The following RALGPS1 variants were observed in gnomAD, a reference collection of about 807,000 sequenced individuals.
RALGPS1 encodes the protein ras-specific guanine nucleotide-releasing factor RalGPS1.
RALGPS1 carries 19 observed loss-of-function variants against 78.8 expected under a neutral mutation model. That is an observed-to-expected ratio of 0.24 (90% CI 0.17 to 0.35). The LOEUF is 0.35. RALGPS1 is among the 10% of genes least tolerant of loss of function. The probability of loss-of-function intolerance (pLI) is 1.00; values close to 1 mark genes in which losing one functional copy is unlikely to be tolerated. For synonymous variants in RALGPS1, 228 were observed against 256.3 expected (o/e 0.89, Z 1.06); for missense variants, 454 against 688.3 (o/e 0.66, Z 3.81).
intron 4 of RALGPS1, among the ~76,000 whole-genome samples, chr9:127,019,453 G>A (rs955189317): frequency 4.0e-5 from 6 of 151,714 alleles, no homozygotes; most frequent in South Asian, 2.1e-4. Flanking sequence ...TCAGCCTCCC[G>A]AGTAGCTGTG....
intron 1 of RALGPS1, among the ~76,000 whole-genome samples, chr9:126,941,227 G>T (rs2036760494): frequency 6.6e-6 from 1 of 151,626 alleles, no homozygotes; most frequent in African/African-American, 2.4e-5. Flanking sequence ...AAGAAGATTG[G>T]ATAAGATCTA....
chr9:126,915,707 C>T (rs944500827), intron 1 of RALGPS1, among the ~76,000 whole-genome samples: 18 of 148,728 alleles, frequency 1.2e-4, no homozygotes, highest in African/African-American at 4.5e-4. Flanking sequence ...ACGCCGCGCC[C>T]TAAGTGGGGC....
chr9:126,921,792 A>G (rs1233610342), intron 1 of RALGPS1, among the ~76,000 whole-genome samples: 1 of 152,172 alleles, frequency 6.6e-6, no homozygotes, highest in African/African-American at 2.4e-5. Context: ...TTTCAGGGAG[A>G]CGCTACAAAA....
In RALGPS1 at chr9:127,213,038, A is replaced by G. The variant is rs1234628902; in HGVS notation, c.1541A>G (p.Asn514Ser). The part of the protein sequence containing the change: ...PEHPDIFQLN[N>S]PDKGNVYKFQ... ...CACCCAGATATCTTCCAGCTGAACAACCCTGACAAAGGTAGGCAGCAGGCC... is the reference window on the plus strand; with the variant it reads ...CACCCAGATATCTTCCAGCTGAACAGCCCTGACAAAGGTAGGCAGCAGGCC... Residue 514 changes from asparagine to serine, a missense_variant, in exon 17 of 19, where the codon AAC (asparagine) becomes AGC (serine). Physicochemically the swap from Asn to Ser is conservative, Grantham distance 46. Transcript: ENST00000259351. The G allele has an allele frequency of 6.2e-7, 1 of 1,614,186 alleles. No homozygotes were observed. Among genetic ancestry groups the G allele is most frequent in the Admixed American group, 1.7e-5 (1 of 60,030 alleles).
At position 127,202,918 on chromosome 9, in the gene RALGPS1, G is replaced by T. The variant is rs368139357; in HGVS notation, c.1247+3852G>T. ...GGGAGGCGGCCGCAGGGCAGCGGCC[G>T]CAGGGCATTCAGTTACCTGGAGAGG... is the stretch of plus-strand genomic sequence containing the variant. On this transcript the variant is annotated intron_variant, in intron 14 of 18. Transcript: ENST00000259351. Among the ~76,000 whole-genome samples, 5 of 151,838 alleles carry T rather than the reference G, an allele frequency of 3.3e-5. No individual in the cohort carries two copies. In the East Asian group the frequency reaches 5.8e-4, roughly 18 times the overall value.
chr9:126,921,908 A>C (rs1390838727), intron 1 of RALGPS1, among the ~76,000 whole-genome samples: 1 of 152,214 alleles, frequency 6.6e-6, no homozygotes, highest in Non-Finnish European at 1.5e-5. Context: ...TGCTTTTCTC[A>C]GGGTATTAAT....
At chr9:127,200,182 G>A (rs555971478) in intron 14 of RALGPS1, among the ~76,000 whole-genome samples, 36 of 152,202 alleles carry the variant, frequency 2.4e-4, no homozygotes, top group Non-Finnish European at 3.8e-4. Context: ...CTCCTCTGGC[G>A]CTGAAGCTTC....
At chr9:127,009,827 T>C (rs1008243160) in intron 4 of RALGPS1, among the ~76,000 whole-genome samples, 1 of 152,182 alleles carries the variant, frequency 6.6e-6, no homozygotes, top group Admixed American at 6.5e-5. Flanking sequence ...TCCCACTTTC[T>C]TGAAGGTTTA....
At chr9:126,969,454 C>T (rs1015576032) in intron 3 of RALGPS1, among the ~76,000 whole-genome samples, 5 of 152,164 alleles carry the variant, frequency 3.3e-5, no homozygotes, top group South Asian at 2.1e-4. Flanking sequence ...TTCACATGCT[C>T]AGTAGCCACA....
intron 8 of RALGPS1, among the ~76,000 whole-genome samples, chr9:127,073,466 CTGTGTGTG>C (rs58611833): frequency 2.1e-5 from 3 of 143,028 alleles, no homozygotes; most frequent in East Asian, 3.9e-4. Flanking sequence ...GTGTGTGTGT[CTGTGTGTG>C]TGTGTGTGTG....
chr9:126,946,678 G>A (rs1316407655), intron 1 of RALGPS1, among the ~76,000 whole-genome samples: 1 of 151,948 alleles, frequency 6.6e-6, no homozygotes, highest in Admixed American at 6.6e-5. Flanking sequence ...TTCCAGAATA[G>A]CAGGGCACCT....
In RALGPS1 at chr9:127,220,177, A is replaced by C. The variant is rs1242728911; in HGVS notation, c.*1408A>C. ...AACTCTGAGAAGTTAACCCTTAAAC[A>C]GTTTTCTGGAAGAGACTGAATTTCT... On this transcript the variant is annotated 3_prime_UTR_variant, in exon 19 of 19. Transcript: ENST00000259351. 6.6e-6 allele frequency: 1 copy of C among 152,290 alleles called. No homozygotes were observed. Among genetic ancestry groups the C allele is most frequent in the Non-Finnish European group, 1.5e-5 (1 of 68,046 alleles). The allele number at this position is 152,290 out of a possible 1,614,324, so 9.4% of individuals were successfully genotyped here.
chr9:127,124,115 G>C (rs1467004750), intron 8 of RALGPS1, among the ~76,000 whole-genome samples: 2 of 152,176 alleles, frequency 1.3e-5, no homozygotes, highest in African/African-American at 4.8e-5. Flanking sequence ...AGGAGACCCT[G>C]ACACTTCACC....
Position 127,168,525 on chromosome 9 carries a change from C to G in RALGPS1, c.749-154C>G, listed in dbSNP as rs370774126. ...GATCCCTCTGTTCCAGTGGCCAGCA[C>G]AGGGCCAGTCCCCAAAGAGCATCAG... is the stretch of plus-strand genomic sequence containing the variant. On this transcript the variant is annotated intron_variant, in intron 9 of 18. Transcript: ENST00000259351. Among the ~76,000 whole-genome samples the G allele has an allele frequency of 8.5e-5, 13 of 152,362 alleles. No individual in the cohort carries two copies. The South Asian group carries it at 2.7e-3, about 32-fold the overall frequency.
intron 7 of RALGPS1, among the ~76,000 whole-genome samples, chr9:127,068,719 T>TAGC (rs1230894876): frequency 6.6e-6 from 1 of 152,184 alleles, no homozygotes; most frequent in Non-Finnish European, 1.5e-5. Flanking sequence ...TGGCACTGTA[T>TAGC]AGCAGCAGCA....
At chr9:127,181,075 C>T (rs1364802793) in intron 11 of RALGPS1, among the ~76,000 whole-genome samples, 3 of 152,246 alleles carry the variant, frequency 2.0e-5, no homozygotes, top group East Asian at 3.8e-4. Flanking sequence ...TCAGAAGTCA[C>T]GCAGCCTTAC....
intron 8 of RALGPS1, among the ~76,000 whole-genome samples, chr9:127,140,445 C>T (rs2057695539): frequency 6.6e-6 from 1 of 152,234 alleles, no homozygotes; most frequent in African/African-American, 2.4e-5. Flanking sequence ...CCTCTGGGGG[C>T]ACCCAGCACT....
intron 8 of RALGPS1, chr9:127,088,962 G>T (rs2052109090): frequency 1.2e-6 from 2 of 1,614,218 alleles, no homozygotes; most frequent in South Asian, 1.1e-5. Context: ...TTGGGGTTCG[G>T]TCGGATCATC....
chr9:127,132,775 G>A (rs1403653398), intron 8 of RALGPS1, among the ~76,000 whole-genome samples: 1 of 152,176 alleles, frequency 6.6e-6, no homozygotes, highest in Non-Finnish European at 1.5e-5. Flanking sequence ...ATTTCATAAG[G>A]TTGCCATGAG....
Sources: gnomAD v4.1 joint callset for allele counts (sites outside exome capture counted in the v4.1 genomes callset) on GRCh38, gnomAD v4.1.1 for gene constraint, MANE v1.5 for transcripts, NCBI Gene and HGNC (gene_info 2026-07-23, HGNC 2026-07-21) for gene names.